ALOX5: variants seen among roughly 807,000 people sequenced by gnomAD.
ALOX5 encodes the protein polyunsaturated fatty acid 5-lipoxygenase.
In ALOX5, 64 loss-of-function variants were observed where a neutral mutation model predicts 87.9. The ratio of observed to expected loss-of-function variants is 0.73; its 90% CI spans 0.60 to 0.90. The LOEUF (loss-of-function observed/expected upper bound fraction) is 0.90, where lower values mean the gene tolerates loss of function less well. Among genes scored for constraint, ALOX5 ranks in the 40% least tolerant of loss-of-function variants. ALOX5 has a pLI of 0.00. For synonymous variants in ALOX5, 388 were observed against 355.1 expected, an observed-to-expected ratio of 1.09 and a Z score of -1.04; for missense variants, 822 against 907.5, an observed-to-expected ratio of 0.91 and a Z score of 1.21.
chr10:45,413,418 A>C (rs910332270), intron 4 of ALOX5, among the ~76,000 whole-genome samples: 5 of 152,222 alleles, frequency 3.3e-5, no homozygotes, highest in African/African-American at 1.2e-4. Flanking sequence ...ACTCTCAATA[A>C]ATTAGGTATT....
At chr10:45,380,585 C>G (rs1336897657) in intron 1 of ALOX5, among the ~76,000 whole-genome samples, 4 of 152,220 alleles carry the variant, frequency 2.6e-5, no homozygotes, top group Non-Finnish European at 1.5e-5. Flanking sequence ...TGCCATCATG[C>G]TGAGAACTCT....
chr10:45,424,970 G>C lies in ALOX5; in HGVS notation c.672G>C (p.Met224Ile), dbSNP rs752588031. 2 of 1,614,224 alleles carry C rather than the reference G, an allele frequency of 1.2e-6. No homozygotes were observed. Among genetic ancestry groups the C allele is most frequent in the South Asian group, 2.2e-5 (2 of 91,082 alleles). ...CTTTTCTCCTGGTAGAGCGGGTCAT[G>C]AATCACTGGCAGGAAGACCTGATGT... is the stretch of plus-strand genomic sequence containing the variant. ...KISNTISERV[M>I]NHWQEDLMFG... Residue 224 changes from methionine (M) to isoleucine (I), a missense_variant, in exon 6 of 14, where the codon ATG (methionine) becomes ATC (isoleucine). Met to Ile is a conservative substitution (Grantham distance 10). Transcript: ENST00000374391.
chr10:45,374,619 G>T (rs535821637), intron 1 of ALOX5, among the ~76,000 whole-genome samples, 190 bp downstream of exon 1: 1 of 152,298 alleles, frequency 6.6e-6, no homozygotes, highest in East Asian at 1.9e-4. Flanking sequence ...GTGGCCGGTG[G>T]GTACCCTGGT....
Position 45,382,501 on chromosome 10 carries a change from A to C in ALOX5, c.169A>C (p.Thr57Pro). The change falls in exon 2 of 14, where the codon ACT becomes CCT. Residue 57 changes from threonine to proline, a missense_variant. Thr to Pro is a conservative substitution (Grantham distance 38, BLOSUM62 -1). Transcript: ENST00000374391. ...ERGAVDSYDV[T>P]VDEELGEIQL... ...TTCCCAGGTGGATTCATACGACGTG[A>C]CTGTGGACGAGGAACTGGGCGAGAT... 6.2e-7 allele frequency: 1 copy of C among 1,614,210 alleles called. No individual in the cohort carries two copies. The highest frequency in any genetic ancestry group is 8.5e-7 in the Non-Finnish European group (1 of 1,180,046).
Position 45,427,577 on chromosome 10 carries a change from G to A in ALOX5, c.835-1041G>A, listed in dbSNP as rs191290051. Among the ~76,000 whole-genome samples the A allele has an allele frequency of 5.7e-3, 870 of 152,344 alleles. 10 individuals are homozygous for A. Among genetic ancestry groups the A allele is most frequent in the African/African-American group, 0.02 (833 of 41,570 alleles). The stretch of plus-strand genomic sequence containing the variant: ...GGGGTCCTGCGCGCGGGCGCGGTCG[G>A]TGGAGCTGCAGGGGGGCGCTCTGGG... On this transcript the variant is annotated intron_variant, in intron 6 of 13. Transcript: ENST00000374391.
chr10:45,444,346 C>G (rs1172358004), intron 13 of ALOX5, 60 bp downstream of exon 13: 4 of 1,483,600 alleles, frequency 2.7e-6, no homozygotes, highest in Admixed American at 2.3e-5. Flanking sequence ...GGTTCCTCAG[C>G]CTCAGGGCTT....
At chr10:45,381,524 C>T (rs1447084309) in intron 1 of ALOX5, among the ~76,000 whole-genome samples, 1 of 152,164 alleles carries the variant, frequency 6.6e-6, no homozygotes, top group Non-Finnish European at 1.5e-5. Flanking sequence ...GTGGTAACTC[C>T]CCTGCACTCC....
chr10:45,423,919 C>T, intron 4 of ALOX5, 122 bp from the exon 5 acceptor site: 1 of 748,568 alleles, frequency 1.3e-6, no homozygotes, highest in Non-Finnish European at 2.3e-6. Context: ...CAGTCACCTA[C>T]CTCTGCAGAG....
Position 45,388,016 on chromosome 10 carries a change from C to T in ALOX5, c.349+5335C>T, listed in dbSNP as rs943335864. On this transcript the variant is annotated intron_variant, in intron 2 of 13. Transcript: ENST00000374391. Reference sequence around the variant, plus strand: ...ACCTCACCTGGGAAGTGCAAGGAGTCAGGGAATTCCCTTTCCTAGCCAAGG... The same window carrying T: ...ACCTCACCTGGGAAGTGCAAGGAGTTAGGGAATTCCCTTTCCTAGCCAAGG... 3.9e-5 allele frequency among the ~76,000 whole-genome samples: 6 copies of T among 152,232 alleles called. No homozygotes were observed. In the South Asian group the frequency reaches 1.0e-3, roughly 26 times the overall value.
In ALOX5 at chr10:45,443,804, G is replaced by A; in HGVS notation, c.1650G>A (p.Gln550=). ...TGGTGATCTTCACCGCCTCCGCCCA[G>A]CACGCCGCGGTCAACTTCGGCCAGG... The part of the protein sequence containing the change: ...LTVVIFTASA[Q]HAAVNFGQYD... The change falls in exon 12 of 14, where the codon CAG becomes CAA. Residue 550 remains glutamine, a synonymous_variant. Transcript: ENST00000374391. 1 of 1,609,756 alleles carries A rather than the reference G, an allele frequency of 6.2e-7. No individual in the cohort carries two copies. The highest frequency in any genetic ancestry group is 8.5e-7 in the Non-Finnish European group (1 of 1,178,428).
intron 7 of ALOX5, among the ~76,000 whole-genome samples, chr10:45,439,576 G>A (rs1842162971): frequency 6.6e-6 from 1 of 152,214 alleles, no homozygotes; most frequent in African/African-American, 2.4e-5. Context: ...TCAATAAGGG[G>A]GCAACGTGCA....
chr10:45,443,843 GC>G lies in ALOX5; in HGVS notation c.1674+18del. Reference sequence around the variant, plus strand: ...ACTTCGGCCAGGTAGGCAGGGCCGGGCCCGCTGGGCAGGGCTCCCTTCTCAA... The same window carrying G: ...ACTTCGGCCAGGTAGGCAGGGCCGGGCCGCTGGGCAGGGCTCCCTTCTCAA... On this transcript the variant is annotated intron_variant, in intron 12 of 13. Transcript: ENST00000374391. 6.3e-7 allele frequency: 1 copy of G among 1,587,400 alleles called. No individual in the cohort carries two copies. The highest frequency in any genetic ancestry group is 8.6e-7 in the Non-Finnish European group (1 of 1,167,822).
intron 2 of ALOX5, among the ~76,000 whole-genome samples, chr10:45,392,836 T>G (rs992420250): frequency 2.0e-5 from 3 of 151,956 alleles, no homozygotes; most frequent in African/African-American, 7.3e-5. Flanking sequence ...TCTAAGCAAA[T>G]TAACTAGAAA....
At chr10:45,374,549 G>C in intron 1 of ALOX5, 120 bp downstream of exon 1, 1 of 1,002,168 alleles carries the variant, frequency 1.0e-6, no homozygotes, top group Non-Finnish European at 1.3e-6. Context: ...ACAGGACTGG[G>C]GGTGTCCAGG....
chr10:45,413,050 C>T (rs1261539422), intron 4 of ALOX5, among the ~76,000 whole-genome samples: 1 of 152,116 alleles, frequency 6.6e-6, no homozygotes, highest in African/African-American at 2.4e-5. Context: ...CGAAACTATT[C>T]CAATCAATAG....
At chr10:45,438,406 G>A (rs1842123661) in intron 7 of ALOX5, among the ~76,000 whole-genome samples, 1 of 152,240 alleles carries the variant, frequency 6.6e-6, no homozygotes, top group Admixed American at 6.5e-5. Flanking sequence ...TGCCTTGCAG[G>A]GTCAAAGTGA....
At chr10:45,394,073 A>G (rs1178650405) in intron 2 of ALOX5, among the ~76,000 whole-genome samples, 1 of 152,240 alleles carries the variant, frequency 6.6e-6, no homozygotes, top group Admixed American at 6.5e-5. Context: ...CAAACTACCA[A>G]TGACTTTCTT....
chr10:45,421,877 G>A (rs1321035757), intron 4 of ALOX5, among the ~76,000 whole-genome samples: 1 of 152,204 alleles, frequency 6.6e-6, no homozygotes, highest in African/African-American at 2.4e-5. Context: ...CTGTGCCATG[G>A]CAACTTCCAG....
At chr10:45,402,101 A>AG (rs1156792515) in intron 3 of ALOX5, among the ~76,000 whole-genome samples, 1 of 151,344 alleles carries the variant, frequency 6.6e-6, no homozygotes, top group Non-Finnish European at 1.5e-5. Context: ...AAAAAAAAAA[A>AG]AAAAATCTTT....
Sources: allele counts gnomAD v4.1 joint callset (sites outside exome capture counted in the v4.1 genomes callset), GRCh38; gene constraint gnomAD v4.1.1; transcripts MANE v1.5; gene names NCBI Gene and HGNC (gene_info 2026-07-23, HGNC 2026-07-21).